JMY: variants seen among roughly 807,000 people sequenced by gnomAD.
JMY encodes the protein junction-mediating and -regulatory protein.
A neutral mutation model predicts 103.3 loss-of-function variants in JMY; 46 were observed. That is an observed-to-expected ratio of 0.45 (90% CI 0.35 to 0.57). The LOEUF (loss-of-function observed/expected upper bound fraction) is 0.57. Among genes scored for constraint, JMY ranks in the 20% least tolerant of loss-of-function variants. The pLI is 0.00. For missense variants in JMY, 1,238 were observed against 1,255.2 expected (o/e 0.99, Z 0.21); for synonymous variants, 526 against 489.3 (o/e 1.07, Z -0.99).
chr5:79,322,447 C>A lies in JMY; in HGVS notation c.*845C>A, dbSNP rs924035792. On this transcript the variant is annotated 3_prime_UTR_variant, in exon 11 of 11. Transcript: ENST00000396137. ...TGATTGCTATGACTGACATGACTTT[C>A]CTATTGAGAATCAAAAATCAAGATT... 2 of 152,074 alleles carry A rather than the reference C, an allele frequency of 1.3e-5. No individual in the cohort carries two copies. Among genetic ancestry groups the A allele is most frequent in the African/African-American group, 4.8e-5 (2 of 41,414 alleles). The allele number at this position is 152,074 out of a possible 1,614,324, so 9.4% of individuals were successfully genotyped here.
chr5:79,236,593 G>A lies in JMY; in HGVS notation c.-58G>A. ...CGGGGGGCGCGGCGCAGCCAGCGGG[G>A]AGTCCTCGGGCGGGCCGGGCCGGCG... On this transcript the variant is annotated 5_prime_UTR_variant, in exon 1 of 11. Coordinates refer to ENST00000396137, the MANE Select transcript of JMY (RefSeq NM_152405.5). 1 of 1,264,950 alleles carries A rather than the reference G, an allele frequency of 7.9e-7. No homozygotes were observed. The highest frequency in any genetic ancestry group is 1.0e-6 in the Non-Finnish European group (1 of 985,868). 78.4% of individuals were successfully genotyped at this position (1,264,950 alleles called of 1,614,324 possible).
intron 1 of JMY, among the ~76,000 whole-genome samples, chr5:79,275,805 T>C (rs1394009888): frequency 1.3e-5 from 2 of 152,236 alleles, no homozygotes; most frequent in African/African-American, 4.8e-5. Context: ...TTTTTTGTTA[T>C]AAAAGCACTT....
At chr5:79,248,417 C>T (rs766081953) in intron 1 of JMY, among the ~76,000 whole-genome samples, 10 of 151,978 alleles carry the variant, frequency 6.6e-5, no homozygotes, top group Non-Finnish European at 1.2e-4. Context: ...AGCAATTCTC[C>T]TGCCTCAGCC....
chr5:79,292,393 T>C (rs1280475379), intron 4 of JMY, among the ~76,000 whole-genome samples: 2 of 152,126 alleles, frequency 1.3e-5, no homozygotes, highest in African/African-American at 2.4e-5. Context: ...CACAACTCAC[T>C]GCAGCCCTGA....
At chr5:79,271,780 GT>G (rs1745790271) in intron 1 of JMY, among the ~76,000 whole-genome samples, 1 of 152,010 alleles carries the variant, frequency 6.6e-6, no homozygotes, top group South Asian at 2.1e-4. Flanking sequence ...TATGATTGTT[GT>G]GTCTTCCTGA....
rs138928014 is a variant in JMY at position 79,252,486 on chromosome 5, C to T, written c.1032+14804C>T. ...TAAGTTTTTGTTAGGTCTGTTTGAC[C>T]TATGATGCAAATTAAGTCCAGTGTT... On this transcript the variant is annotated intron_variant, in intron 1 of 10. Transcript: ENST00000396137. Among the ~76,000 whole-genome samples the T allele has an allele frequency of 2.6e-4, 39 of 152,124 alleles. No individual in the cohort carries two copies. The East Asian group carries it at 6.6e-3, about 26-fold the overall frequency.
chr5:79,261,907 G>A (rs1745435359), intron 1 of JMY, among the ~76,000 whole-genome samples: 2 of 152,220 alleles, frequency 1.3e-5, no homozygotes, highest in African/African-American at 2.4e-5. Flanking sequence ...TTACAGGCGT[G>A]AGCCACCATG....
At chr5:79,267,606 G>A (rs1004689305) in intron 1 of JMY, among the ~76,000 whole-genome samples, 5 of 152,096 alleles carry the variant, frequency 3.3e-5, no homozygotes, top group African/African-American at 1.2e-4. Flanking sequence ...ATACAGATGG[G>A]ATCTCCCTGT....
chr5:79,247,872 T>TTATTTTATTTTA (rs1320585218), intron 1 of JMY, among the ~76,000 whole-genome samples: 2 of 146,480 alleles, frequency 1.4e-5, no homozygotes, highest in African/African-American at 5.3e-5. Context: ...ATATTTTATT[T>TTATTTTATTTTA]TATTTTATTT....
chr5:79,266,989 A>G (rs1745603816), intron 1 of JMY, among the ~76,000 whole-genome samples: 1 of 152,166 alleles, frequency 6.6e-6, no homozygotes, highest in African/African-American at 2.4e-5. Context: ...GGCTTGTGTC[A>G]TCTGTTTTTA....
chr5:79,299,621 A>G (rs969802720), intron 4 of JMY, among the ~76,000 whole-genome samples: 1 of 152,202 alleles, frequency 6.6e-6, no homozygotes, highest in African/African-American at 2.4e-5. Context: ...AAGGATTTCC[A>G]TCTAAAGCAA....
chr5:79,262,481 GA>G (rs2112067529), intron 1 of JMY, among the ~76,000 whole-genome samples: 1 of 152,178 alleles, frequency 6.6e-6, no homozygotes, highest in South Asian at 2.1e-4. Context: ...TTCACCTGTT[GA>G]ATTCTTTTAT....
At chr5:79,276,407 A>T (rs1745937180) in intron 1 of JMY, among the ~76,000 whole-genome samples, 5 of 152,094 alleles carry the variant, frequency 3.3e-5, no homozygotes. Context: ...GGCATGAGCC[A>T]CTGTGCCTGG....
chr5:79,305,429 G>A (rs1746851824), intron 6 of JMY, among the ~76,000 whole-genome samples: 1 of 151,940 alleles, frequency 6.6e-6, no homozygotes, highest in South Asian at 2.1e-4. Flanking sequence ...CTCCAGCCTG[G>A]GCAACAGTGA....
chr5:79,251,931 C>T (rs1054250973), intron 1 of JMY, among the ~76,000 whole-genome samples: 4 of 151,942 alleles, frequency 2.6e-5, no homozygotes, highest in Admixed American at 1.3e-4. Flanking sequence ...TGTGCCACCA[C>T]GCCCGGCTAA....
intron 2 of JMY, among the ~76,000 whole-genome samples, chr5:79,283,663 C>T (rs1348472498): frequency 6.6e-6 from 1 of 152,148 alleles, no homozygotes; most frequent in Non-Finnish European, 1.5e-5. Context: ...TCAGTATAAC[C>T]TGGAATCCTG....
At position 79,323,822 on chromosome 5, in the gene JMY, C is replaced by CAAAG. The variant is rs1347946805; in HGVS notation, c.*2222_*2225dup. ...GTGTGCTGTAATCATAAGTCTCTAG[C>CAAAG]AAAGAGTGGAGGGTGGAGGGTGTGT... is the stretch of plus-strand genomic sequence containing the variant. On this transcript the variant is annotated 3_prime_UTR_variant, in exon 11 of 11. Transcript: ENST00000396137. 1 of 152,122 alleles carries CAAAG rather than the reference C, an allele frequency of 6.6e-6. No individual in the cohort carries two copies. Among genetic ancestry groups the CAAAG allele is most frequent in the Non-Finnish European group, 1.5e-5 (1 of 68,018 alleles). 9.4% of individuals were successfully genotyped at this position (152,122 alleles called of 1,614,324 possible).
chr5:79,239,139 A>G (rs1346820145), intron 1 of JMY, among the ~76,000 whole-genome samples: 5 of 152,080 alleles, frequency 3.3e-5, no homozygotes, highest in Non-Finnish European at 5.9e-5. Flanking sequence ...TTTGTTTCTC[A>G]CTTATACCAT....
intron 1 of JMY, among the ~76,000 whole-genome samples, chr5:79,250,701 T>A (rs1468739638): frequency 6.7e-6 from 1 of 150,256 alleles, no homozygotes; most frequent in Non-Finnish European, 1.5e-5. Context: ...CAGGTGCTTT[T>A]AACAGCCTCT....
Sources: gnomAD v4.1 joint callset for allele counts (sites outside exome capture counted in the v4.1 genomes callset) on GRCh38, gnomAD v4.1.1 for gene constraint, MANE v1.5 for transcripts, NCBI Gene and HGNC (gene_info 2026-07-23, HGNC 2026-07-21) for gene names.